Variants in PCK1 observed in about 807,000 individuals in gnomAD.
The protein encoded by PCK1 is phosphoenolpyruvate carboxykinase 1, also known as phosphoenolpyruvate carboxykinase, cytosolic [GTP].
In PCK1, 44 loss-of-function variants were observed where a neutral mutation model predicts 50.3. The ratio of observed to expected loss-of-function variants is 0.87; its 90% CI spans 0.69 to 1.12. The LOEUF (loss-of-function observed/expected upper bound fraction) is 1.12. Among genes scored for constraint, PCK1 ranks in the 50% most tolerant of loss-of-function variants. The pLI is 0.00. For synonymous variants in PCK1, 332 were observed against 314.3 expected (o/e 1.06, Z -0.59); for missense variants, 790 against 815.0 (o/e 0.97, Z 0.37).
chr20:57,562,595 A>T, intron 3 of PCK1, 101 bp from the exon 4 acceptor site: 1 of 923,946 alleles, frequency 1.1e-6, no homozygotes, highest in Non-Finnish European at 1.7e-6. Flanking sequence ...TGGTGGTGTT[A>T]GTGGAACACC....
rs967877680 is a variant in PCK1, at chr20:57,567,455, G to A, written c.*1651G>A. On this transcript the variant is annotated 3_prime_UTR_variant, in exon 10 of 10. Coordinates refer to ENST00000319441, the MANE Select transcript of PCK1 (RefSeq NM_002591.4). ...GTCTTAGCTCCAGACACGTTGGCTT[G>A]TTAGAATATCAAAACCACCGAAGGG... The A allele has an allele frequency of 1.3e-5, 2 of 152,202 alleles. No homozygotes were observed. Among genetic ancestry groups the A allele is most frequent in the African/African-American group, 4.8e-5 (2 of 41,448 alleles). The allele number at this position is 152,202 out of a possible 1,614,324, so 9.4% of individuals were successfully genotyped here.
chr20:57,563,047 G>T lies in PCK1; in HGVS notation c.630G>T (p.Trp210Cys). The change falls in exon 5 of 10, where the codon TGG becomes TGT. Residue 210 changes from tryptophan to cysteine, a missense_variant. Transcript: ENST00000319441. ...LPLQKPLVNN[W>C]PCNPELTLIA... ...TCACAGAGCCTTTGGTCAACAACTG[G>T]CCCTGCAACCCGGAGCTGACGCTCA... 6.2e-7 allele frequency: 1 copy of T among 1,613,812 alleles called. No homozygotes were observed. The highest frequency in any genetic ancestry group is 1.3e-5 in the African/African-American group (1 of 75,062).
At position 57,563,192 on chromosome 20, in the gene PCK1, G is replaced by A. The variant is rs779670565; in HGVS notation, c.775G>A (p.Gly259Arg). 19 of 1,613,626 alleles carry A rather than the reference G, an allele frequency of 1.2e-5. No homozygotes were observed. The East Asian group carries it at 3.6e-4, about 30-fold the overall frequency. Residue 259 changes from glycine (G) to arginine (R), a missense_variant, in exon 5 of 10, where the codon GGG becomes AGG. By Grantham distance (125) the Gly-to-Arg change is moderately radical (BLOSUM62 -2). Coordinates refer to ENST00000319441, the MANE Select transcript of PCK1 (RefSeq NM_002591.4). Reference protein sequence around the residue: ...RMASRLAKEEGWLAEHMLILG... With the variant: ...RMASRLAKEERWLAEHMLILG... ...GGCCAGCCGGCTGGCCAAGGAGGAA[G>A]GGTGGCTGGCAGAGCACATGCTGGT...
chr20:57,563,495 C>T (rs1568909107), intron 5 of PCK1, 70 bp from the exon 6 acceptor site: 8 of 1,104,580 alleles, frequency 7.2e-6, no homozygotes, highest in Non-Finnish European at 1.1e-5. Context: ...ACATTCCAAC[C>T]TCTGGGCTGA....
chr20:57,562,530 C>A, intron 3 of PCK1, 166 bp from the exon 4 acceptor site: 1 of 646,500 alleles, frequency 1.5e-6, no homozygotes, highest in Non-Finnish European at 2.7e-6. Flanking sequence ...TTTCAGCAGG[C>A]TGTTCACTTT....
At chr20:57,563,454 T>C (rs1030391312) in intron 5 of PCK1, 111 bp from the exon 6 acceptor site, 14 of 776,718 alleles carry the variant, frequency 1.8e-5, no homozygotes, top group Non-Finnish European at 2.7e-5. Context: ...TTGTTTGCAC[T>C]GATACCTGAA....
Position 57,564,591 on chromosome 20 carries a change from C to G in PCK1, c.1296C>G (p.Ile432Met), listed in dbSNP as rs901420260. 6.2e-7 allele frequency: 1 copy of G among 1,606,670 alleles called. No homozygotes were observed. The highest frequency in any genetic ancestry group is 1.3e-5 in the African/African-American group (1 of 74,780). ...SPEGVPIEGI[I>M]FGGRRPAGVP... Reference sequence around the variant, plus strand: ...AAGGTGTTCCCATTGAAGGCATTATCTTTGGAGGCCGTAGACCTGCTGGTG... The same window carrying G: ...AAGGTGTTCCCATTGAAGGCATTATGTTTGGAGGCCGTAGACCTGCTGGTG... The change falls in exon 8 of 10, where the codon ATC becomes ATG. Residue 432 changes from isoleucine to methionine, a missense_variant. By Grantham distance (10) the Ile-to-Met change is conservative. Coordinates refer to ENST00000319441, the MANE Select transcript of PCK1 (RefSeq NM_002591.4).
At position 57,562,159 on chromosome 20, in the gene PCK1, A is replaced by C. The variant is rs1440586457; in HGVS notation, c.313A>C (p.Ile105Leu). Reference sequence around the variant, plus strand: ...CCAAGAGCAAAGAGACACAGTGCCCATCCCCAAAACAGGCCTCAGCCAGCT... The same window carrying C: ...CCAAGAGCAAAGAGACACAGTGCCCCTCCCCAAAACAGGCCTCAGCCAGCT... The part of the protein sequence containing the change: ...VTQEQRDTVP[I>L]PKTGLSQLGR... Residue 105 changes from isoleucine to leucine, a missense_variant, in exon 3 of 10, where the codon ATC becomes CTC. By Grantham distance (5) the Ile-to-Leu change is conservative (BLOSUM62 2). Transcript: ENST00000319441. 1 of 1,614,160 alleles carries C rather than the reference A, an allele frequency of 6.2e-7. No individual in the cohort carries two copies. The highest frequency in any genetic ancestry group is 1.1e-5 in the South Asian group (1 of 91,084).
chr20:57,565,204 T>A, intron 9 of PCK1, 69 bp downstream of exon 9: 1 of 1,332,662 alleles, frequency 7.5e-7, no homozygotes, highest in Non-Finnish European at 1.1e-6. Flanking sequence ...CTCTTATGTC[T>A]CTCTCCTTTT....
At chr20:57,565,290 T>A in intron 9 of PCK1, 60 bp from the exon 10 acceptor site, 1 of 1,411,266 alleles carries the variant, frequency 7.1e-7, no homozygotes. Context: ...CAACAATCAA[T>A]GGCGTCAGTC....
At chr20:57,564,722 C>T (rs77235250) in intron 8 of PCK1, 109 bp downstream of exon 8, 16 of 999,358 alleles carry the variant, frequency 1.6e-5, no homozygotes, top group Non-Finnish European at 2.4e-5. Flanking sequence ...CCAGGGGCTT[C>T]CTTTCTTGAG....
intron 2 of PCK1, 51 bp downstream of exon 2, chr20:57,561,686 C>T (rs2070144878): frequency 7.9e-7 from 1 of 1,269,050 alleles, no homozygotes; most frequent in Non-Finnish European, 1.1e-6. Context: ...CAGGGCTCCC[C>T]TGCGTCTCCT....
In PCK1 at chr20:57,563,117, G is replaced by A; in HGVS notation, c.700G>A (p.Gly234Arg). 1 of 1,614,006 alleles carries A rather than the reference G, an allele frequency of 6.2e-7. No individual in the cohort carries two copies. Among genetic ancestry groups the A allele is most frequent in the Non-Finnish European group, 8.5e-7 (1 of 1,180,018 alleles). ...CAGAGAGATCATCTCCTTTGGCAGTGGGTACGGCGGGAACTCGCTGCTCGG... is the reference window on the plus strand; with the variant it reads ...CAGAGAGATCATCTCCTTTGGCAGTAGGTACGGCGGGAACTCGCTGCTCGG... ...DRREIISFGS[G>R]YGGNSLLGKK... is the part of the protein sequence containing the mutation. Residue 234 changes from glycine to arginine, a missense_variant, in exon 5 of 10, where the codon GGG (glycine) becomes AGG (arginine). Transcript: ENST00000319441.
Position 57,565,789 on chromosome 20 carries a change from A to G in PCK1, c.1854A>G (p.Arg618=), listed in dbSNP as rs748902047. The change falls in exon 10 of 10, where the codon AGA becomes AGG. Residue 618 remains arginine (R), a synonymous_variant. Coordinates refer to ENST00000319441, the MANE Select transcript of PCK1 (RefSeq NM_002591.4). ...GAGAGATCCTTGCCTTGAAGCAAAG[A>G]ATAAGCCAGATGTAATCAGGGCCTG... ...IEREILALKQ[R]ISQM 1 of 1,609,540 alleles carries G rather than the reference A, an allele frequency of 6.2e-7. No individual in the cohort carries two copies.
Position 57,563,045 on chromosome 20 carries a change from T to C in PCK1, c.628T>C (p.Trp210Arg). 1.2e-6 allele frequency: 2 copies of C among 1,613,798 alleles called. No individual in the cohort carries two copies. The highest frequency in any genetic ancestry group is 1.7e-6 in the Non-Finnish European group (2 of 1,179,832). ...LPLQKPLVNN[W>R]PCNPELTLIA... ...GTTCACAGAGCCTTTGGTCAACAAC[T>C]GGCCCTGCAACCCGGAGCTGACGCT... is the stretch of plus-strand genomic sequence containing the variant. Residue 210 changes from tryptophan to arginine, a missense_variant, in exon 5 of 10, where the codon TGG becomes CGG. Physicochemically the swap from Trp to Arg is moderately radical, Grantham distance 101. Transcript: ENST00000319441.
At chr20:57,563,810 TC>T in intron 6 of PCK1, 83 bp downstream of exon 6, 1 of 1,172,854 alleles carries the variant, frequency 8.5e-7, no homozygotes, top group Non-Finnish European at 1.2e-6. Flanking sequence ...TTCTCCTCAG[TC>T]CAGTGTTTGG....
Position 57,565,470 on chromosome 20 carries a change from T to G in PCK1, c.1535T>G (p.Phe512Cys). 6.2e-7 allele frequency: 1 copy of G among 1,614,170 alleles called. No individual in the cohort carries two copies. Among genetic ancestry groups the G allele is most frequent in the Non-Finnish European group, 8.5e-7 (1 of 1,180,032 alleles). The change falls in exon 10 of 10, where the codon TTC (phenylalanine) becomes TGC (cysteine). Residue 512 changes from phenylalanine to cysteine, a missense_variant. By Grantham distance (205) the Phe-to-Cys change is radical. Transcript: ENST00000319441. ...QHPAAKLPKI[F>C]HVNWFRKDKE... ...CCAGCAGCCAAACTGCCCAAGATCTTCCATGTCAACTGGTTCCGGAAGGAC... is the reference window on the plus strand; with the variant it reads ...CCAGCAGCCAAACTGCCCAAGATCTGCCATGTCAACTGGTTCCGGAAGGAC...
chr20:57,563,068 G>A lies in PCK1; in HGVS notation c.651G>A (p.Thr217=), dbSNP rs777897405. The A allele has an allele frequency of 3.1e-5, 50 of 1,613,940 alleles. No individual in the cohort carries two copies. Among genetic ancestry groups the A allele is most frequent in the African/African-American group, 6.7e-5 (5 of 74,950 alleles). The change falls in exon 5 of 10, where the codon ACG becomes ACA. Residue 217 remains threonine, a synonymous_variant. Coordinates refer to ENST00000319441, the MANE Select transcript of PCK1 (RefSeq NM_002591.4). Reference sequence around the variant, plus strand: ...ACTGGCCCTGCAACCCGGAGCTGACGCTCATCGCCCACCTGCCTGACCGCA... The same window carrying A: ...ACTGGCCCTGCAACCCGGAGCTGACACTCATCGCCCACCTGCCTGACCGCA... ...VNNWPCNPEL[T]LIAHLPDRRE...
rs749547684 is a variant in PCK1, at chr20:57,561,432, C to T, written c.21C>T (p.Asn7=). MPPQLQ[N]GLNLSAKVVQ... is the part of the protein sequence containing the mutation. Reference sequence around the variant, plus strand: ...CAGAAATGCCTCCTCAGCTGCAAAACGGCCTGAACCTCTCGGCCAAAGTTG... The same window carrying T: ...CAGAAATGCCTCCTCAGCTGCAAAATGGCCTGAACCTCTCGGCCAAAGTTG... The change falls in exon 2 of 10, where the codon AAC becomes AAT. Residue 7 remains asparagine, a synonymous_variant. Transcript: ENST00000319441. 30 of 1,612,654 alleles carry T rather than the reference C, an allele frequency of 1.9e-5. No homozygotes were observed. The Admixed American group carries it at 2.7e-4, about 14-fold the overall frequency.
Sources: gnomAD v4.1 joint callset for allele counts on GRCh38, gnomAD v4.1.1 for gene constraint, MANE v1.5 for transcripts, NCBI Gene and HGNC (gene_info 2026-07-23, HGNC 2026-07-21) for gene names.